VIT: variants seen among roughly 807,000 people sequenced by gnomAD.
VIT encodes the protein vitrin.
In VIT, 99 loss-of-function variants were observed where a neutral mutation model predicts 78.0. The observed-to-expected ratio is 1.27, with a 90% CI of 1.08 to 1.50. The LOEUF is 1.50. Ranked by LOEUF, VIT falls within the 40% of genes most tolerant of loss-of-function variation. The pLI is 0.00. For synonymous variants in VIT, 374 were observed against 334.3 expected, an observed-to-expected ratio of 1.12 and a Z score of -1.29; for missense variants, 1,126 against 875.3, an observed-to-expected ratio of 1.29 and a Z score of -3.61.
Position 36,801,308 on chromosome 2 carries a change from C to T in VIT, c.1066C>T (p.Pro356Ser), listed in dbSNP as rs1025462550. ...LMGVVQYGDN[P>S]ATHFNLKTHT... ...CTTGTTCTGACTCTTCAGAGACAAC[C>T]CTGCTACTCACTTTAACCTCAAGAC... The change falls in exon 13 of 16, where the codon CCT becomes TCT. Residue 356 changes from proline to serine, a missense_variant. Coordinates refer to ENST00000379242, the MANE Select transcript of VIT (RefSeq NM_053276.4). 1.2e-6 allele frequency: 2 copies of T among 1,613,778 alleles called. No homozygotes were observed. The highest frequency in any genetic ancestry group is 1.3e-5 in the African/African-American group (1 of 74,886).
chr2:36,794,588 T>C (rs1028289947), intron 12 of VIT, among the ~76,000 whole-genome samples: 2 of 152,184 alleles, frequency 1.3e-5, no homozygotes, highest in African/African-American at 2.4e-5. Context: ...AACAAATATT[T>C]CTTAAATGTT....
At position 36,789,064 on chromosome 2, in the gene VIT, G is replaced by A. The variant is rs113969090; in HGVS notation, c.1058+1788G>A. ...AATCCCTTGTGTCTGCCTTTTTCAC[G>A]GGGTTCTTATTAATTTGGAGCACTT... On this transcript the variant is annotated intron_variant, in intron 12 of 15. Coordinates refer to ENST00000379242, the MANE Select transcript of VIT (RefSeq NM_053276.4). Among the ~76,000 whole-genome samples the A allele has an allele frequency of 8.3e-3, 1,266 of 152,152 alleles. 14 individuals are homozygous for A. Among genetic ancestry groups the A allele is most frequent in the African/African-American group, 0.03 (1,230 of 41,494 alleles).
intron 4 of VIT, 45 bp downstream of exon 4, chr2:36,743,301 G>T (rs1235470103): frequency 2.0e-6 from 3 of 1,506,190 alleles, no homozygotes; most frequent in Non-Finnish European, 2.7e-6. Context: ...AAATCAGGGT[G>T]TTGGCAGGGA....
chr2:36,773,929 T>A, intron 8 of VIT, 82 bp downstream of exon 8: 2 of 1,409,058 alleles, frequency 1.4e-6, no homozygotes, highest in African/African-American at 2.9e-5. Context: ...CTTTGCCATT[T>A]AATTTAGATT....
chr2:36,726,818 C>CAAAA (rs758452109), intron 2 of VIT, among the ~76,000 whole-genome samples: 81 of 111,566 alleles, frequency 7.3e-4, no homozygotes, highest in African/African-American at 2.9e-3. Flanking sequence ...GACTCTGTCT[C>CAAAA]AAAAAAAAAA....
chr2:36,796,362 C>T, intron 12 of VIT, among the ~76,000 whole-genome samples: 1 of 152,186 alleles, frequency 6.6e-6, no homozygotes, highest in Admixed American at 6.5e-5. Flanking sequence ...CAGAGGCTCA[C>T]AGGAACCAAA....
chr2:36,767,239 C>T lies in VIT; in HGVS notation c.633C>T (p.Thr211=), dbSNP rs201462660. ...PRPSPSAAST[T]SIPRPQSVGH... Reference sequence around the variant, plus strand: ...CATCCCCTTCTGCTGCTTCTACCACCAGCATCCCCAGACCACAATCAGTGG... The same window carrying T: ...CATCCCCTTCTGCTGCTTCTACCACTAGCATCCCCAGACCACAATCAGTGG... The change falls in exon 7 of 16, where the codon ACC becomes ACT. Residue 211 remains threonine, a synonymous_variant. Transcript: ENST00000379242. 112 of 1,598,622 alleles carry T rather than the reference C, an allele frequency of 7.0e-5. 2 individuals are homozygous for T. In the East Asian group the frequency reaches 1.7e-3, roughly 25 times the overall value.
intron 11 of VIT, among the ~76,000 whole-genome samples, chr2:36,786,056 T>G (rs1346823259): frequency 6.6e-6 from 1 of 152,172 alleles, no homozygotes; most frequent in African/African-American, 2.4e-5. Flanking sequence ...GGTGGTTGTG[T>G]GCAGATTAGA....
Position 36,808,758 on chromosome 2 carries a change from G to T in VIT, c.1676G>T (p.Arg559Leu). Residue 559 changes from arginine (R) to leucine (L), a missense_variant, in exon 15 of 16, where the codon CGG becomes CTG. By Grantham distance (102) the Arg-to-Leu change is moderately radical (BLOSUM62 -2). Coordinates refer to ENST00000379242, the MANE Select transcript of VIT (RefSeq NM_053276.4). ...IGAVQYTYEQ[R>L]LEFGFDKYSS... ...GCCGTGCAGTACACCTACGAACAGC[G>T]GCTGGAGTTTGGGTTCGACAAGTAC... The T allele has an allele frequency of 1.2e-6, 2 of 1,614,058 alleles. No homozygotes were observed. Among genetic ancestry groups the T allele is most frequent in the Non-Finnish European group, 1.7e-6 (2 of 1,179,906 alleles).
At chr2:36,788,144 T>A (rs1274282103) in intron 12 of VIT, 1 of 221,968 alleles carries the variant, frequency 4.5e-6, no homozygotes, top group Non-Finnish European at 9.0e-6. Context: ...TCATGCCTTC[T>A]ACAAAGGACC....
At chr2:36,715,019 C>G (rs1451714230) in intron 1 of VIT, among the ~76,000 whole-genome samples, 1 of 152,210 alleles carries the variant, frequency 6.6e-6, no homozygotes, top group Non-Finnish European at 1.5e-5. Flanking sequence ...TGTTCCCCCA[C>G]TTGGAGCCAC....
At chr2:36,718,257 G>A (rs1056461614) in intron 2 of VIT, among the ~76,000 whole-genome samples, 6 of 152,072 alleles carry the variant, frequency 3.9e-5, no homozygotes, top group South Asian at 2.1e-4. Flanking sequence ...AGTGCTTAAG[G>A]TCTGTTCAGA....
chr2:36,734,032 G>A (rs1667359323), intron 3 of VIT, among the ~76,000 whole-genome samples: 1 of 152,190 alleles, frequency 6.6e-6, no homozygotes, highest in African/African-American at 2.4e-5. Context: ...TTCTCAATGT[G>A]TGGCTCCTGG....
At chr2:36,755,608 C>T (rs1221764797) in intron 5 of VIT, among the ~76,000 whole-genome samples, 1 of 152,172 alleles carries the variant, frequency 6.6e-6, no homozygotes, top group Non-Finnish European at 1.5e-5. Flanking sequence ...CTTTAACATG[C>T]TCGAGTAGCT....
At chr2:36,778,409 CCTGGTGG>C (rs1415338021) in intron 9 of VIT, among the ~76,000 whole-genome samples, 3 of 152,294 alleles carry the variant, frequency 2.0e-5, no homozygotes, top group Admixed American at 6.5e-5. Context: ...CAAGTTAAAA[CCTGGTGG>C]CTTTTCCTCA....
intron 2 of VIT, among the ~76,000 whole-genome samples, chr2:36,720,443 G>C (rs1666431024): frequency 6.6e-6 from 1 of 152,082 alleles, no homozygotes; most frequent in Non-Finnish European, 1.5e-5. Context: ...TCCACACGCA[G>C]AAGAATGTAA....
Position 36,808,698 on chromosome 2 carries a change from A to G in VIT, c.1616A>G (p.Glu539Gly). Residue 539 changes from glutamate to glycine, a missense_variant, in exon 15 of 16, where the codon GAG becomes GGG. Physicochemically the swap from Glu to Gly is moderately conservative, Grantham distance 98. Transcript: ENST00000379242. ...CAGTTTGTGACCAACCTCACCAAAG[A>G]GTTTGAGATTTCCGACACGGACACG... ...VLQFVTNLTK[E>G]FEISDTDTRI... 6 of 1,614,206 alleles carry G rather than the reference A, an allele frequency of 3.7e-6. No individual in the cohort carries two copies. Among genetic ancestry groups the G allele is most frequent in the South Asian group, 1.1e-5 (1 of 91,090 alleles).
chr2:36,734,056 G>A lies in VIT; in HGVS notation c.118+4565G>A, dbSNP rs148540895. 3.3e-3 allele frequency among the ~76,000 whole-genome samples: 504 copies of A among 152,290 alleles called. 2 individuals carry two copies. The highest frequency in any genetic ancestry group is 0.031 in the Middle Eastern group (9 of 294). ...TGTGGCTCCTGGACCGGCAGCATCA[G>A]CATCATCCGGGACCTTTCGTCTCAC... On this transcript the variant is annotated intron_variant, in intron 3 of 15. Transcript: ENST00000379242.
intron 3 of VIT, among the ~76,000 whole-genome samples, chr2:36,740,915 G>C (rs1667796970): frequency 6.6e-6 from 1 of 152,180 alleles, no homozygotes; most frequent in South Asian, 2.1e-4. Context: ...CATGAAATAA[G>C]CTTCCAGATA....
Sources: allele counts gnomAD v4.1 joint callset (sites outside exome capture counted in the v4.1 genomes callset), GRCh38; gene constraint gnomAD v4.1.1; transcripts MANE v1.5; gene names NCBI Gene and HGNC (gene_info 2026-07-23, HGNC 2026-07-21).